The following SLCO5A1 variants were observed in gnomAD, a reference collection of about 807,000 sequenced individuals.
SLCO5A1 encodes the protein solute carrier organic anion transporter family member 5A1.
SLCO5A1 carries 39 observed loss-of-function variants against 65.1 expected under a neutral mutation model. The observed-to-expected ratio is 0.60, with a 90% CI of 0.46 to 0.78. SLCO5A1 has a LOEUF of 0.78. SLCO5A1 is among the 30% of genes least tolerant of loss of function. SLCO5A1 has a pLI of 0.00. For missense variants in SLCO5A1, 1,029 were observed against 1,069.4 expected (o/e 0.96, Z 0.53); for synonymous variants, 438 against 415.7 (o/e 1.05, Z -0.65).
rs536341587 is a variant in SLCO5A1, at chr8:69,690,235, G to A, written c.1623-7892C>T. On this transcript the variant is annotated intron_variant, in intron 6 of 9. Transcript: ENST00000260126. ...GAATCTCGTTCATCCATTCATGCGC[G>A]TCACTAATTAGATGACGAGGCATTT... 6.3e-3 allele frequency among the ~76,000 whole-genome samples: 909 copies of A among 143,230 alleles called. 6 individuals carry two copies. The highest frequency in any genetic ancestry group is 9.9e-3 in the Non-Finnish European group (635 of 64,360). The allele number at this position is 143,230 out of a possible 152,430, so 94.0% of individuals were successfully genotyped here. A position where few individuals can be genotyped will look rare whatever the true frequency, so the allele number is the denominator to read the frequency against.
chr8:69,674,036 C>G (rs899858569), intron 9 of SLCO5A1, among the ~76,000 whole-genome samples: 2 of 152,194 alleles, frequency 1.3e-5, no homozygotes, highest in Non-Finnish European at 2.9e-5. Flanking sequence ...TACATAGACT[C>G]CTGTGTCACA....
intron 2 of SLCO5A1, among the ~76,000 whole-genome samples, chr8:69,784,807 AAGAAAAAG>A (rs1818941018): frequency 1.9e-5 from 2 of 103,034 alleles, no homozygotes; most frequent in African/African-American, 3.9e-5. Context: ...GAAAGAAAGA[AAGAAAAAG>A]AAAGAAAGAA....
chr8:69,737,421 T>C (rs1268663476), intron 5 of SLCO5A1, among the ~76,000 whole-genome samples: 1 of 152,226 alleles, frequency 6.6e-6, no homozygotes. Flanking sequence ...TATAATATAC[T>C]GAAAATTCCT....
intron 6 of SLCO5A1, among the ~76,000 whole-genome samples, chr8:69,683,531 C>T (rs892745481): frequency 4.6e-5 from 7 of 151,606 alleles, no homozygotes; most frequent in African/African-American, 7.3e-5. Flanking sequence ...GGTAATTTCT[C>T]GCCCCTCAAC....
chr8:69,831,225 A>G (rs1209273729), intron 2 of SLCO5A1, among the ~76,000 whole-genome samples: 1 of 151,196 alleles, frequency 6.6e-6, no homozygotes, highest in Non-Finnish European at 1.5e-5. Context: ...ATGCCATTGC[A>G]CTCCAGCCTG....
intron 2 of SLCO5A1, among the ~76,000 whole-genome samples, chr8:69,817,002 C>A (rs540545152): frequency 4.6e-4 from 70 of 152,238 alleles, no homozygotes; most frequent in Middle Eastern, 3.4e-3. Context: ...GACTGTATAA[C>A]CTGGACAGAT....
intron 2 of SLCO5A1, among the ~76,000 whole-genome samples, chr8:69,782,861 G>A (rs1040884026): frequency 2.6e-5 from 4 of 152,074 alleles, no homozygotes; most frequent in African/African-American, 9.7e-5. Context: ...AGTTTCCTCA[G>A]GGCAATTATG....
intron 2 of SLCO5A1, among the ~76,000 whole-genome samples, chr8:69,814,789 A>G (rs1188394025): frequency 6.6e-6 from 1 of 152,144 alleles, no homozygotes; most frequent in East Asian, 1.9e-4. Flanking sequence ...CCATCAATAA[A>G]TGAATGGATA....
At chr8:69,689,182 GTTGT>G (rs1186309870) in intron 6 of SLCO5A1, among the ~76,000 whole-genome samples, 3 of 133,346 alleles carry the variant, frequency 2.2e-5, no homozygotes, top group Non-Finnish European at 3.2e-5. Context: ...TTTTGATGGG[GTTGT>G]TTGTTTTTTT....
At chr8:69,773,303 T>A (rs1460273371) in intron 2 of SLCO5A1, among the ~76,000 whole-genome samples, 4 of 152,256 alleles carry the variant, frequency 2.6e-5, no homozygotes, top group Middle Eastern at 3.4e-3. Flanking sequence ...TTGGAAATGG[T>A]CTTCTGTTGT....
At chr8:69,809,218 T>A (rs1349929556) in intron 2 of SLCO5A1, among the ~76,000 whole-genome samples, 1 of 152,232 alleles carries the variant, frequency 6.6e-6, no homozygotes, top group Non-Finnish European at 1.5e-5. Context: ...TTTTTATCTA[T>A]CAGTTTTTCT....
chr8:69,710,018 G>GCTTTTT (rs1394729263), intron 5 of SLCO5A1, among the ~76,000 whole-genome samples: 13 of 59,130 alleles, frequency 2.2e-4, no homozygotes, highest in African/African-American at 1.3e-3. Flanking sequence ...ATCGGCAACA[G>GCTTTTT]CTTTTTTTTT....
rs186806933 is a variant in SLCO5A1 at position 69,832,721 on chromosome 8, G to A, written c.-48C>T. The A allele has an allele frequency of 6.5e-7, 1 of 1,537,332 alleles. No individual in the cohort carries two copies. The highest frequency in any genetic ancestry group is 8.7e-7 in the Non-Finnish European group (1 of 1,149,570). Reference sequence around the variant, plus strand: ...TAGCTGATGGCACCCAAGCACTCCGGCACGTTTCATCCACCGGCACGAGGG... The same window carrying A: ...TAGCTGATGGCACCCAAGCACTCCGACACGTTTCATCCACCGGCACGAGGG... On this transcript the variant is annotated 5_prime_UTR_variant, in exon 2 of 10. Coordinates refer to ENST00000260126, the MANE Select transcript of SLCO5A1 (RefSeq NM_030958.3). This position sits in a 1 kb window ranked among gnomAD's most constrained non-coding sequence, Gnocchi z 4.5.
chr8:69,695,654 G>A (rs1243577470), intron 6 of SLCO5A1, among the ~76,000 whole-genome samples: 2 of 151,666 alleles, frequency 1.3e-5, no homozygotes, highest in Non-Finnish European at 2.9e-5. Context: ...AATTATGCTT[G>A]TAACCAGGAG....
intron 5 of SLCO5A1, among the ~76,000 whole-genome samples, chr8:69,733,879 A>C (rs73686141): frequency 0.017 from 2,577 of 152,338 alleles, 80 homozygotes; most frequent in African/African-American, 0.058. Flanking sequence ...GTATGAGAAC[A>C]GACTAATACA....
chr8:69,742,099 A>T (rs1816810303), intron 4 of SLCO5A1, among the ~76,000 whole-genome samples: 1 of 152,228 alleles, frequency 6.6e-6, no homozygotes, highest in Non-Finnish European at 1.5e-5. Context: ...TATTAGGGAC[A>T]GTAGAGTACC....
intron 4 of SLCO5A1, among the ~76,000 whole-genome samples, chr8:69,742,457 A>T (rs1246221158): frequency 6.6e-6 from 1 of 152,222 alleles, no homozygotes; most frequent in Non-Finnish European, 1.5e-5. Flanking sequence ...TTACAAATTC[A>T]GGCTGGCACT....
Position 69,832,508 on chromosome 8 carries a change from C to T in SLCO5A1, c.166G>A (p.Asp56Asn). 2 of 1,609,576 alleles carry T rather than the reference C, an allele frequency of 1.2e-6. No homozygotes were observed. Among genetic ancestry groups the T allele is most frequent in the South Asian group, 1.1e-5 (1 of 90,316 alleles). ...CRPSLSPTSG[D>N]ANPAFGCVDS... ...ACACAGCCAAAGGCCGGGTTGGCGT[C>T]TCCACTAGTGGGACTGAGGCTTGGC... The change falls in exon 2 of 10, where the codon GAC (aspartate) becomes AAC (asparagine). Residue 56 changes from aspartate to asparagine, a missense_variant. Physicochemically the swap from Asp to Asn is conservative, Grantham distance 23 (BLOSUM62 1). Transcript: ENST00000260126. This position sits in a 1 kb window ranked among gnomAD's most constrained non-coding sequence, Gnocchi z 4.5.
chr8:69,695,132 A>G (rs1011756860), intron 6 of SLCO5A1, among the ~76,000 whole-genome samples: 12 of 152,360 alleles, frequency 7.9e-5, no homozygotes, highest in Admixed American at 2.0e-4. Flanking sequence ...GCTAGGAAAT[A>G]TGAGAAACTT....
Sources: allele counts gnomAD v4.1 joint callset (sites outside exome capture counted in the v4.1 genomes callset), GRCh38; gene constraint gnomAD v4.1.1; non-coding constraint Gnocchi (gnomAD v3.1); transcripts MANE v1.5; gene names NCBI Gene and HGNC (gene_info 2026-07-23, HGNC 2026-07-21).